Variants in NAA50 observed in about 807,000 individuals in gnomAD.
The protein encoded by NAA50 is N-alpha-acetyltransferase 50.
A neutral mutation model predicts 20.7 loss-of-function variants in NAA50; 7 were observed. The ratio of observed to expected loss-of-function variants is 0.34; its 90% CI spans 0.19 to 0.63. The LOEUF (loss-of-function observed/expected upper bound fraction) is 0.63, where lower values mean the gene tolerates loss of function less well. NAA50 is among the 30% of genes least tolerant of loss of function. NAA50 has a pLI of 0.75. For synonymous variants in NAA50, 54 were observed against 70.6 expected, an observed-to-expected ratio of 0.77 and a Z score of 1.18; for missense variants, 111 against 199.1, an observed-to-expected ratio of 0.56 and a Z score of 2.66.
intron 1 of NAA50, among the ~76,000 whole-genome samples, chr3:113,742,932 C>A (rs899938132): frequency 2.0e-5 from 3 of 152,186 alleles, no homozygotes; most frequent in Admixed American, 1.3e-4. Context: ...CTGTGGCATA[C>A]CTTCTTGCTT....
At chr3:113,738,576 T>C (rs1708374682) in intron 1 of NAA50, among the ~76,000 whole-genome samples, 1 of 152,230 alleles carries the variant, frequency 6.6e-6, no homozygotes, top group Non-Finnish European at 1.5e-5. Context: ...TCTTTGGCCA[T>C]TCCTATTCAG....
intron 1 of NAA50, chr3:113,741,261 C>T (rs564006035): frequency 2.9e-5 from 11 of 384,550 alleles, no homozygotes; most frequent in South Asian, 6.8e-5. Flanking sequence ...ACATCTTACC[C>T]GGGAAATGGC....
At chr3:113,722,229 A>G (rs1403325697) in intron 4 of NAA50, among the ~76,000 whole-genome samples, 1 of 152,198 alleles carries the variant, frequency 6.6e-6, no homozygotes, top group Non-Finnish European at 1.5e-5. Context: ...AAGAGGATAA[A>G]TTATTAAAAG....
intron 1 of NAA50, among the ~76,000 whole-genome samples, chr3:113,737,740 A>G (rs1405933612): frequency 6.6e-6 from 1 of 152,202 alleles, no homozygotes; most frequent in Non-Finnish European, 1.5e-5. Context: ...TTTCTGGTAC[A>G]CTGCAGAATA....
chr3:113,726,461 C>G (rs944906391), intron 1 of NAA50, among the ~76,000 whole-genome samples: 2 of 150,192 alleles, frequency 1.3e-5, no homozygotes, highest in Admixed American at 1.3e-4. Flanking sequence ...ACTGGGCTCA[C>G]TTTCCCCACT....
rs1427067527 is a variant in NAA50 at position 113,720,510 on chromosome 3, T to C, written c.*1250A>G. On this transcript the variant is annotated 3_prime_UTR_variant, in exon 5 of 5. Coordinates refer to ENST00000240922, the MANE Select transcript of NAA50 (RefSeq NM_025146.4). ...ATCTGGCATAAACCAGTCCTCTCAG[T>C]GGAGGAGGTCACAGTGACATTTGTA... The C allele has an allele frequency of 1.3e-5, 2 of 152,640 alleles. No homozygotes were observed. The highest frequency in any genetic ancestry group is 2.4e-5 in the African/African-American group (1 of 41,458). The allele number at this position is 152,640 out of a possible 1,614,324, so 9.5% of individuals were successfully genotyped here. A position where few individuals can be genotyped will look rare whatever the true frequency, so the allele number is the denominator to read the frequency against.
intron 1 of NAA50, among the ~76,000 whole-genome samples, chr3:113,742,778 T>C (rs1488504473): frequency 6.6e-6 from 1 of 152,228 alleles, no homozygotes; most frequent in East Asian, 1.9e-4. Flanking sequence ...TTTCCCATCT[T>C]AGTCACGTAT....
At chr3:113,722,040 C>A in intron 4 of NAA50, 103 bp from the exon 5 acceptor site, 6 of 1,050,660 alleles carry the variant, frequency 5.7e-6, no homozygotes, top group Middle Eastern at 5.1e-4. Flanking sequence ...ATTCTCTTTA[C>A]AACTACCAGT....
intron 1 of NAA50, among the ~76,000 whole-genome samples, chr3:113,729,629 C>T (rs532473998): frequency 4.6e-5 from 7 of 151,844 alleles, no homozygotes; most frequent in Non-Finnish European, 7.4e-5. Context: ...CTGCAAGCTC[C>T]GCCTACGGGC....
chr3:113,732,483 G>A (rs745781337), intron 1 of NAA50, among the ~76,000 whole-genome samples: 10 of 152,138 alleles, frequency 6.6e-5, no homozygotes, highest in Non-Finnish European at 1.0e-4. Flanking sequence ...TAGTACAGGA[G>A]GCTAGAAGTC....
chr3:113,741,461 C>T (rs1209112908), intron 1 of NAA50, among the ~76,000 whole-genome samples: 1 of 152,182 alleles, frequency 6.6e-6, no homozygotes, highest in Admixed American at 6.5e-5. Flanking sequence ...TTGGTTACTG[C>T]AGGCTGCATT....
At position 113,717,416 on chromosome 3, in the gene NAA50, C is replaced by T. The variant is rs1708068982; in HGVS notation, c.*4344G>A. 1 of 152,160 alleles carries T rather than the reference C, an allele frequency of 6.6e-6. No homozygotes were observed. Among genetic ancestry groups the T allele is most frequent in the African/African-American group, 2.4e-5 (1 of 41,430 alleles). 9.4% of individuals were successfully genotyped at this position (152,160 alleles called of 1,614,324 possible). On this transcript the variant is annotated 3_prime_UTR_variant, in exon 5 of 5. Transcript: ENST00000240922. The stretch of plus-strand genomic sequence containing the variant: ...CTGAAAAGGTTGAGAATTTCTGCCC[C>T]AGTAACAGATCGTTCTCTGACTTAA...
intron 1 of NAA50, among the ~76,000 whole-genome samples, chr3:113,726,532 T>C (rs1467162706): frequency 6.6e-6 from 1 of 150,684 alleles, no homozygotes; most frequent in Admixed American, 6.6e-5. Flanking sequence ...GATCATAAGG[T>C]CAAGAGTTTG....
chr3:113,741,645 T>C (rs1708418941), intron 1 of NAA50, among the ~76,000 whole-genome samples: 1 of 152,240 alleles, frequency 6.6e-6, no homozygotes, highest in African/African-American at 2.4e-5. Flanking sequence ...GTAAGGATCT[T>C]TGAAATTATG....
chr3:113,721,879 T>C lies in NAA50; in HGVS notation c.391A>G (p.Ile131Val). 1.2e-6 allele frequency: 2 copies of C among 1,613,920 alleles called. No individual in the cohort carries two copies. The highest frequency in any genetic ancestry group is 8.5e-7 in the Non-Finnish European group (1 of 1,179,842). Residue 131 changes from isoleucine (I) to valine (V), a missense_variant, in exon 5 of 5, where the codon ATT becomes GTT. By Grantham distance (29) the Ile-to-Val change is conservative. Transcript: ENST00000240922. ...TAGTAGTTCTTCTTTGTCTCAATAA[T>C]CTCAAAGCCAAACTTCCTGTAGAAG... ...IDFYRKFGFE[I>V]IETKKNYYKR...
rs1412513794 is a variant in NAA50, at chr3:113,719,786, T to G, written c.*1974A>C. The G allele has an allele frequency of 3.9e-5, 6 of 152,626 alleles. No individual in the cohort carries two copies. Among genetic ancestry groups the G allele is most frequent in the African/African-American group, 1.4e-4 (6 of 41,468 alleles). 9.5% of individuals were successfully genotyped at this position (152,626 alleles called of 1,614,324 possible). A position where few individuals can be genotyped will look rare whatever the true frequency, so the allele number is the denominator to read the frequency against. ...TTAGGGATACATTCATAGGACTGAT[T>G]AGATAGTCCAGGTGAAATGGTTATA... On this transcript the variant is annotated 3_prime_UTR_variant, in exon 5 of 5. Coordinates refer to ENST00000240922, the MANE Select transcript of NAA50 (RefSeq NM_025146.4).
intron 1 of NAA50, chr3:113,724,509 A>G (rs1708176945): frequency 6.5e-6 from 1 of 153,134 alleles, no homozygotes; most frequent in Non-Finnish European, 1.5e-5. Context: ...TGCACATTCT[A>G]TTCATGAAAA....
intron 1 of NAA50, among the ~76,000 whole-genome samples, chr3:113,727,340 G>C (rs903669218): frequency 8.5e-5 from 13 of 152,290 alleles, no homozygotes; most frequent in Middle Eastern, 3.4e-3. Flanking sequence ...AGCTTCTAAA[G>C]TATAAATGAA....
intron 1 of NAA50, among the ~76,000 whole-genome samples, chr3:113,745,550 T>G (rs1415960496): frequency 6.6e-6 from 1 of 152,100 alleles, no homozygotes; most frequent in Non-Finnish European, 1.5e-5. Context: ...CAGAGTTGAG[T>G]CTGGAGGTGG....
Sources: allele counts gnomAD v4.1 joint callset (sites outside exome capture counted in the v4.1 genomes callset), GRCh38; gene constraint gnomAD v4.1.1; transcripts MANE v1.5; gene names NCBI Gene and HGNC (gene_info 2026-07-23, HGNC 2026-07-21).